The following MEGF10 variants were observed in gnomAD, a reference collection of about 807,000 sequenced individuals.
The protein encoded by MEGF10 is multiple EGF like domains 10.
In MEGF10, 86 loss-of-function variants were observed where a neutral mutation model predicts 147.5. The observed-to-expected ratio is 0.58, with a 90% CI of 0.49 to 0.70. The LOEUF (loss-of-function observed/expected upper bound fraction) is 0.70. Among genes scored for constraint, MEGF10 ranks in the 30% least tolerant of loss-of-function variants. The pLI is 0.00. For synonymous variants in MEGF10, 478 were observed against 525.5 expected (o/e 0.91, Z 1.24); for missense variants, 1,329 against 1,487.3 (o/e 0.89, Z 1.75).
the MEGF10 span, among the ~76,000 whole-genome samples, chr5:127,270,410 A>T: frequency 6.6e-6 from 1 of 152,184 alleles, no homozygotes; most frequent in African/African-American, 2.4e-5. Flanking sequence ...AACGGAAAAC[A>T]AAAAAAGGCA....
chr5:127,402,642 ACAGG>A lies in MEGF10; in HGVS notation c.879_882del (p.Gly294AsnfsTer41). On this transcript the variant is annotated frameshift_variant, in exon 8 of 25. Coordinates refer to ENST00000503335, the MANE Select transcript of MEGF10 (RefSeq NM_001256545.2). LOFTEE classifies it high-confidence loss of function. The stretch of plus-strand genomic sequence containing the variant: ...TAATGGAGGGACGTGTGATGCTGCC[ACAGG>A]CCAATGTCATTGCAGTCCAGGATAC... The A allele has an allele frequency of 6.2e-7, 1 of 1,614,160 alleles. No individual in the cohort carries two copies. The highest frequency in any genetic ancestry group is 8.5e-7 in the Non-Finnish European group (1 of 1,180,018).
At chr5:127,435,994 C>G (rs1275679437) in intron 16 of MEGF10, among the ~76,000 whole-genome samples, 4 of 152,022 alleles carry the variant, frequency 2.6e-5, no homozygotes, top group African/African-American at 9.7e-5. Flanking sequence ...CTATAAGGGA[C>G]TATATAGATG....
At chr5:127,329,172 A>G (rs1032631405) in intron 1 of MEGF10, among the ~76,000 whole-genome samples, 1 of 152,216 alleles carries the variant, frequency 6.6e-6, no homozygotes, top group Non-Finnish European at 1.5e-5. Context: ...CAGATTTTAC[A>G]ACTTCATGAT....
chr5:127,258,952 T>C, the MEGF10 span, among the ~76,000 whole-genome samples: 20 of 152,172 alleles, frequency 1.3e-4, no homozygotes, highest in Non-Finnish European at 2.9e-4. Flanking sequence ...ATATCCATCT[T>C]TTGATCAAGG....
chr5:127,267,831 T>C, the MEGF10 span, among the ~76,000 whole-genome samples: 1 of 152,200 alleles, frequency 6.6e-6, no homozygotes, highest in Non-Finnish European at 1.5e-5. Flanking sequence ...TTATTAGTCT[T>C]GCAAGCAGTC....
intron 9 of MEGF10, among the ~76,000 whole-genome samples, chr5:127,416,823 C>A (rs80034269): frequency 6.6e-6 from 1 of 152,112 alleles, no homozygotes; most frequent in Admixed American, 6.5e-5. Flanking sequence ...CAGTCTTCAT[C>A]CCTCCCAGGT....
intron 12 of MEGF10, among the ~76,000 whole-genome samples, chr5:127,422,173 C>G (rs938883272): frequency 2.0e-5 from 3 of 152,122 alleles, no homozygotes; most frequent in Non-Finnish European, 4.4e-5. Context: ...AAAACACTGA[C>G]TTCCTGGAGC....
Position 127,443,035 on chromosome 5 carries a change from G to A in MEGF10, c.2400G>A (p.Gln800=). The A allele has an allele frequency of 1.2e-6, 2 of 1,613,772 alleles. No homozygotes were observed. The highest frequency in any genetic ancestry group is 2.7e-5 in the African/African-American group (2 of 75,044). ...GAACATATGGCTATGGCTGTCGCCA[G>A]ATATGTGATTGTCTGAACAACTCCA... ...PSGTYGYGCR[Q]ICDCLNNSTC... is the part of the protein sequence containing the mutation. The change falls in exon 19 of 25, where the codon CAG becomes CAA. Residue 800 remains glutamine (Q), a synonymous_variant. Coordinates refer to ENST00000503335, the MANE Select transcript of MEGF10 (RefSeq NM_001256545.2).
At chr5:127,357,420 G>A (rs1762315497) in intron 4 of MEGF10, among the ~76,000 whole-genome samples, 2 of 151,904 alleles carry the variant, frequency 1.3e-5, no homozygotes, top group Non-Finnish European at 2.9e-5. Flanking sequence ...AATCAAAATA[G>A]CTATATAAAT....
intron 8 of MEGF10, among the ~76,000 whole-genome samples, chr5:127,408,950 G>A (rs1042087530): frequency 6.6e-6 from 1 of 152,138 alleles, no homozygotes; most frequent in African/African-American, 2.4e-5. Flanking sequence ...GGTGGCGAGT[G>A]CCTGTGGTCC....
intron 19 of MEGF10, among the ~76,000 whole-genome samples, chr5:127,443,415 T>G (rs1765829846): frequency 6.6e-6 from 1 of 152,216 alleles, no homozygotes; most frequent in Admixed American, 6.5e-5. Context: ...ACTCATGAAC[T>G]TTCTACTGGG....
At position 127,331,423 on chromosome 5, in the gene MEGF10, A is replaced by G; in HGVS notation, c.115A>G (p.Ser39Gly). The change falls in exon 2 of 25, where the codon AGC becomes GGC. Residue 39 changes from serine (S) to glycine (G), a missense_variant and splice_region_variant. Physicochemically the swap from Ser to Gly is moderately conservative, Grantham distance 56. Coordinates refer to ENST00000503335, the MANE Select transcript of MEGF10 (RefSeq NM_001256545.2). ...CCCTAATGTGTGTAGCCACTGGGAA[A>G]GGTAATGGTTTTGAAAGGAGCCTGA... ...EDPNVCSHWE[S>G]YSVTVQESYP... The G allele has an allele frequency of 2.5e-6, 4 of 1,589,088 alleles. No homozygotes were observed. The highest frequency in any genetic ancestry group is 3.5e-6 in the Non-Finnish European group (4 of 1,159,372).
At chr5:127,317,407 CTGAATGGCAT>C (rs1333287116) in intron 1 of MEGF10, among the ~76,000 whole-genome samples, 5 of 152,176 alleles carry the variant, frequency 3.3e-5, no homozygotes, top group Non-Finnish European at 7.3e-5. Context: ...TGCCTATGTC[CTGAATGGCAT>C]TGCCTAGGTT....
chr5:127,387,552 C>T (rs751484037), intron 5 of MEGF10, among the ~76,000 whole-genome samples: 31 of 152,166 alleles, frequency 2.0e-4, no homozygotes, highest in Non-Finnish European at 3.5e-4. Flanking sequence ...GCACTGATTC[C>T]GGTTTTGTAA....
chr5:127,236,119 C>T, the MEGF10 span, among the ~76,000 whole-genome samples: 548 of 152,048 alleles, frequency 3.6e-3, 2 homozygotes, highest in African/African-American at 0.012. Flanking sequence ...ACTACAGGCA[C>T]GCGCCACCAT....
Position 127,350,078 on chromosome 5 carries a change from T to C in MEGF10, c.319+9448T>C, listed in dbSNP as rs527833374. On this transcript the variant is annotated intron_variant, in intron 4 of 24. Transcript: ENST00000503335. ...ATGATATCCCATTGCATTTTCCAAATTTCACGGCTATGTTTGGAAGTGAAA... is the reference window on the plus strand; with the variant it reads ...ATGATATCCCATTGCATTTTCCAAACTTCACGGCTATGTTTGGAAGTGAAA... Among the ~76,000 whole-genome samples, 3 of 152,308 alleles carry C rather than the reference T, an allele frequency of 2.0e-5. No individual in the cohort carries two copies. In the South Asian group the frequency reaches 6.2e-4, roughly 32 times the overall value.
chr5:127,256,632 G>C, the MEGF10 span, among the ~76,000 whole-genome samples: 1 of 152,072 alleles, frequency 6.6e-6, no homozygotes, highest in Non-Finnish European at 1.5e-5. Flanking sequence ...CCCTATACCT[G>C]TTGCTAAGGG....
At position 127,417,809 on chromosome 5, in the gene MEGF10, C is replaced by G. The variant is rs1408693633; in HGVS notation, c.1302C>G (p.Phe434Leu). ...GAAAGTGCACCTGTGCCCCAGGATT[C>G]AAAGTGAGTGACTAGGGCTCTGGAG... ...VTGKCTCAPG[F>L]KGIDCSTPCP... Residue 434 changes from phenylalanine to leucine, a missense_variant, in exon 10 of 25, where the codon TTC becomes TTG. Physicochemically the swap from Phe to Leu is conservative, Grantham distance 22 (BLOSUM62 0). This residue lies in a region of MEGF10 where 980 missense variants were observed against 1,085.9 expected (regional missense o/e 0.90). Transcript: ENST00000503335. The G allele has an allele frequency of 6.8e-6, 11 of 1,613,486 alleles. No homozygotes were observed. In the African/African-American group the frequency reaches 1.5e-4, roughly 22 times the overall value.
chr5:127,423,676 A>G (rs1163388604), intron 13 of MEGF10, among the ~76,000 whole-genome samples: 1 of 151,956 alleles, frequency 6.6e-6, no homozygotes. Context: ...GGTCATCTCT[A>G]TTATCTTCTT....
Sources: gnomAD v4.1 joint callset for allele counts (sites outside exome capture counted in the v4.1 genomes callset) on GRCh38, gnomAD v4.1.1 for gene constraint, gnomAD v4.1.1 regional missense constraint, MANE v1.5 for transcripts, NCBI Gene and HGNC (gene_info 2026-07-23, HGNC 2026-07-21) for gene names.